The following CRTAC1 variants were observed in gnomAD, a reference collection of about 807,000 sequenced individuals.
CRTAC1 encodes acidic secreted protein in cartilage.
In CRTAC1, 37 loss-of-function variants were observed where a neutral mutation model predicts 67.8. The ratio of observed to expected loss-of-function variants is 0.55; its 90% CI spans 0.42 to 0.72. CRTAC1 has a LOEUF of 0.72. Among genes scored for constraint, CRTAC1 ranks in the 30% least tolerant of loss-of-function variants. The pLI is 0.00. For synonymous variants in CRTAC1, 348 were observed against 371.0 expected (o/e 0.94, Z 0.71); for missense variants, 780 against 931.6 (o/e 0.84, Z 2.12).
At chr10:97,912,515 T>C (rs2050701532) in intron 5 of CRTAC1, among the ~76,000 whole-genome samples, 1 of 152,218 alleles carries the variant, frequency 6.6e-6, no homozygotes, top group Non-Finnish European at 1.5e-5. Flanking sequence ...CTCTGAGCCC[T>C]GGCACGCTGG....
intron 2 of CRTAC1, among the ~76,000 whole-genome samples, chr10:97,999,460 C>A (rs537625424): frequency 1.3e-5 from 2 of 152,386 alleles, no homozygotes; most frequent in East Asian, 3.9e-4. Context: ...TGCCAGCCGC[C>A]TGCTGCCTCT....
Position 97,959,862 on chromosome 10 carries a change from C to T in CRTAC1, c.225-23496G>A, listed in dbSNP as rs7085839. Among the ~76,000 whole-genome samples the T allele has an allele frequency of 5.9e-3, 905 of 152,318 alleles. 9 individuals are homozygous for T. The highest frequency in any genetic ancestry group is 0.02 in the African/African-American group (835 of 41,568). On this transcript the variant is annotated intron_variant, in intron 2 of 14. Transcript: ENST00000370597. ...AGGGGTTTGGCACAACATCCTTCCC[C>T]AGTAGTCACACAGACAGCATTTAAT...
intron 14 of CRTAC1, chr10:97,866,690 G>A (rs1484544548): frequency 6.6e-6 from 1 of 152,246 alleles, no homozygotes; most frequent in Non-Finnish European, 1.5e-5. Context: ...GTGTGTCTGA[G>A]TACATGTGCA....
At chr10:97,926,540 C>T (rs1274189511) in intron 3 of CRTAC1, among the ~76,000 whole-genome samples, 8 of 152,082 alleles carry the variant, frequency 5.3e-5, no homozygotes, top group African/African-American at 1.9e-4. Context: ...GCACACATAA[C>T]ACCCCCAGCA....
chr10:98,013,095 C>A (rs1842937879), intron 1 of CRTAC1, among the ~76,000 whole-genome samples: 1 of 152,106 alleles, frequency 6.6e-6, no homozygotes, highest in South Asian at 2.1e-4. Flanking sequence ...CGAAATGTAG[C>A]ATGGATCTGA....
intron 4 of CRTAC1, among the ~76,000 whole-genome samples, chr10:97,919,984 C>G (rs1249399993): frequency 6.6e-6 from 1 of 151,894 alleles, no homozygotes; most frequent in Non-Finnish European, 1.5e-5. Flanking sequence ...CCTGGTGTCT[C>G]AATCTATCCT....
intron 2 of CRTAC1, among the ~76,000 whole-genome samples, chr10:97,997,335 C>T (rs1366207228): frequency 3.4e-5 from 5 of 147,356 alleles, no homozygotes; most frequent in Non-Finnish European, 1.5e-5. Context: ...CCCCTGTAGT[C>T]CCAGCTACTC....
intron 2 of CRTAC1, among the ~76,000 whole-genome samples, chr10:98,005,100 A>ATCTTTTTTTTTTTT: frequency 2.0e-5 from 1 of 48,926 alleles, no homozygotes; most frequent in Non-Finnish European, 3.5e-5. Flanking sequence ...ATATATATAT[A>ATCTTTTTTTTTTTT]TTTTTTTTTT....
At chr10:97,935,585 G>T (rs187810664) in intron 3 of CRTAC1, among the ~76,000 whole-genome samples, 252 of 152,284 alleles carry the variant, frequency 1.7e-3, no homozygotes, top group Admixed American at 4.3e-3. Context: ...GCTCCTGCAA[G>T]AAAAGGCTCC....
At chr10:98,014,056 C>T (rs2136697834) in intron 1 of CRTAC1, among the ~76,000 whole-genome samples, 1 of 152,276 alleles carries the variant, frequency 6.6e-6, no homozygotes, top group Non-Finnish European at 1.5e-5. Flanking sequence ...AGTGGGCTGT[C>T]TTGATGGCGT....
intron 2 of CRTAC1, among the ~76,000 whole-genome samples, chr10:97,950,996 C>T (rs1222570295): frequency 2.6e-5 from 4 of 152,154 alleles, no homozygotes; most frequent in Non-Finnish European, 2.9e-5. Context: ...CTAATTCTGC[C>T]GGGTTGACTG....
intron 1 of CRTAC1, among the ~76,000 whole-genome samples, chr10:98,028,545 C>A (rs993297302): frequency 3.9e-5 from 6 of 152,094 alleles, no homozygotes; most frequent in Non-Finnish European, 8.8e-5. Context: ...GGCCATTGGT[C>A]CACAGATTTA....
rs977214368 is a variant in CRTAC1, at chr10:97,923,167, C to T, written c.558+97G>A. 66 of 1,445,048 alleles carry T rather than the reference C, an allele frequency of 4.6e-5. 1 individual carries two copies. The highest frequency in any genetic ancestry group is 1.1e-4 in the Admixed American group (6 of 56,168). The allele number at this position is 1,445,048 out of a possible 1,614,324, so 89.5% of individuals were successfully genotyped here. On this transcript the variant is annotated intron_variant, in intron 4 of 14. Coordinates refer to ENST00000370597, the MANE Select transcript of CRTAC1 (RefSeq NM_018058.7). ...AGCACCCAATCTATCCAAGACACCG[C>T]GGGAGACGCCACTCTGTCAGGGGAC...
intron 5 of CRTAC1, among the ~76,000 whole-genome samples, chr10:97,916,590 C>T (rs1426045454): frequency 3.9e-5 from 6 of 152,176 alleles, no homozygotes; most frequent in African/African-American, 1.4e-4. Context: ...ACCCCTCAAC[C>T]ATCCTTCCAG....
At position 98,003,094 on chromosome 10, in the gene CRTAC1, T is replaced by C. The variant is rs533172288; in HGVS notation, c.224+8044A>G. On this transcript the variant is annotated intron_variant, in intron 2 of 14. Coordinates refer to ENST00000370597, the MANE Select transcript of CRTAC1 (RefSeq NM_018058.7). ...CACTGCGCCCGGCCCAAAACTCACA[T>C]GTTTCTATGACAGGGATTGACGTTG... Among the ~76,000 whole-genome samples, 4 of 152,246 alleles carry C rather than the reference T, an allele frequency of 2.6e-5. No individual in the cohort carries two copies. The East Asian group carries it at 5.8e-4, about 22-fold the overall frequency.
intron 13 of CRTAC1, among the ~76,000 whole-genome samples, chr10:97,881,587 C>A (rs1381197599): frequency 3.9e-5 from 6 of 152,204 alleles, no homozygotes; most frequent in Non-Finnish European, 8.8e-5. Context: ...GTGTACGAGG[C>A]ACATAACTGC....
At position 98,030,321 on chromosome 10, in the gene CRTAC1, C is replaced by A. The variant is rs977855446; in HGVS notation, c.24+128G>T. 3.0e-5 allele frequency: 17 copies of A among 563,318 alleles called. No homozygotes were observed. The highest frequency in any genetic ancestry group is 4.1e-5 in the Non-Finnish European group (15 of 367,242). The allele number at this position is 563,318 out of a possible 1,614,324, so 34.9% of individuals were successfully genotyped here. On this transcript the variant is annotated intron_variant, in intron 1 of 14. Transcript: ENST00000370597. The surrounding 1 kb of genome is among the most constrained non-coding windows in gnomAD (Gnocchi z 4.2). ...AAGTTAGGAGCGAAGCCGCCGCCTT[C>A]GCGATCCCAGTCTTCCCGGGTTCCC...
At chr10:97,872,694 A>G (rs1332709682) in intron 14 of CRTAC1, among the ~76,000 whole-genome samples, 2 of 152,182 alleles carry the variant, frequency 1.3e-5, no homozygotes, top group East Asian at 1.9e-4. Flanking sequence ...TAGATCAGAG[A>G]TGAGCGAGAG....
chr10:97,995,218 C>G (rs1214350955), intron 2 of CRTAC1, among the ~76,000 whole-genome samples: 1 of 152,172 alleles, frequency 6.6e-6, no homozygotes, highest in Non-Finnish European at 1.5e-5. Context: ...TAGAGAGGAA[C>G]AGTCCAAGGA....
Sources: gnomAD v4.1 joint callset for allele counts (sites outside exome capture counted in the v4.1 genomes callset) on GRCh38, gnomAD v4.1.1 for gene constraint, Gnocchi (gnomAD v3.1) non-coding constraint, MANE v1.5 for transcripts, NCBI Gene and HGNC (gene_info 2026-07-23, HGNC 2026-07-21) for gene names.